TMEM117: variants seen among roughly 807,000 people sequenced by gnomAD.
The protein encoded by TMEM117 is transmembrane protein 117.
A neutral mutation model predicts 52.4 loss-of-function variants in TMEM117; 27 were observed. The observed-to-expected ratio is 0.51, with a 90% CI of 0.38 to 0.71. The LOEUF is 0.71. Among genes scored for constraint, TMEM117 ranks in the 30% least tolerant of loss-of-function variants. TMEM117 has a pLI of 0.00. For synonymous variants in TMEM117, 215 were observed against 206.3 expected, an observed-to-expected ratio of 1.04 and a Z score of -0.36; for missense variants, 556 against 630.5, an observed-to-expected ratio of 0.88 and a Z score of 1.26.
chr12:43,841,835 G>C (rs1850241362), intron 1 of TMEM117, among the ~76,000 whole-genome samples: 1 of 151,994 alleles, frequency 6.6e-6, no homozygotes, highest in South Asian at 2.1e-4. Flanking sequence ...TGAAGTGATA[G>C]GAATGATAAT....
intron 5 of TMEM117, among the ~76,000 whole-genome samples, chr12:44,244,620 T>C (rs1484451100): frequency 6.6e-6 from 1 of 152,034 alleles, no homozygotes; most frequent in Non-Finnish European, 1.5e-5. Flanking sequence ...AATATATTGA[T>C]TTCAAATATA....
intron 6 of TMEM117, among the ~76,000 whole-genome samples, chr12:44,349,044 C>T (rs9738577): frequency 0.67 from 101,874 of 151,710 alleles, 35,247 homozygotes; most frequent in East Asian, 0.9. Context: ...CAGTGAGTAC[C>T]GAAACTATAT....
intron 5 of TMEM117, chr12:44,248,980 G>T (rs533195182): frequency 6.6e-6 from 1 of 152,078 alleles, no homozygotes. Flanking sequence ...GTGTGTGTGG[G>T]TTTATTCATT....
At chr12:43,977,494 A>G (rs7303328) in intron 3 of TMEM117, among the ~76,000 whole-genome samples, 150,692 of 152,288 alleles carry the variant, frequency 0.99, 74,576 homozygotes, top group Middle Eastern at 1. Context: ...TACTGTTTAC[A>G]TCTTTCCATA....
At chr12:44,348,391 C>T (rs1692911397) in intron 6 of TMEM117, among the ~76,000 whole-genome samples, 3 of 151,786 alleles carry the variant, frequency 2.0e-5, no homozygotes, top group Admixed American at 2.0e-4. Flanking sequence ...TATTTTGACC[C>T]TTCCTGCCAT....
intron 3 of TMEM117, among the ~76,000 whole-genome samples, chr12:44,131,941 C>G (rs1948420392): frequency 6.6e-6 from 1 of 151,840 alleles, no homozygotes. Context: ...CTGTTTTGTT[C>G]CTTGTTTTTA....
At chr12:44,163,284 A>T (rs978483990) in intron 4 of TMEM117, among the ~76,000 whole-genome samples, 5 of 152,172 alleles carry the variant, frequency 3.3e-5, no homozygotes, top group African/African-American at 1.2e-4. Context: ...CCTTCTTAAT[A>T]CCTTTTGTCT....
At chr12:43,955,802 T>G (rs1945296545) in intron 3 of TMEM117, among the ~76,000 whole-genome samples, 1 of 152,156 alleles carries the variant, frequency 6.6e-6, no homozygotes, top group Non-Finnish European at 1.5e-5. Context: ...AAAATTCATA[T>G]GGAACCAAAA....
intron 5 of TMEM117, among the ~76,000 whole-genome samples, chr12:44,267,744 A>G (rs1175512506): frequency 6.6e-6 from 1 of 152,162 alleles, no homozygotes; most frequent in African/African-American, 2.4e-5. Flanking sequence ...TTCATCTTAT[A>G]ATTGGTATCA....
At chr12:43,849,134 C>CA (rs1943262265) in intron 2 of TMEM117, among the ~76,000 whole-genome samples, 1 of 152,158 alleles carries the variant, frequency 6.6e-6, no homozygotes, top group South Asian at 2.1e-4. Flanking sequence ...AAACATTAAA[C>CA]AAGCATCATG....
At chr12:43,824,717 T>C in the TMEM117 span, among the ~76,000 whole-genome samples, 1 of 152,060 alleles carries the variant, frequency 6.6e-6, no homozygotes, top group African/African-American at 2.4e-5. Flanking sequence ...AGGCGGATCA[T>C]GAGGTCAGGA....
At chr12:44,313,639 G>A (rs1267523448) in intron 6 of TMEM117, among the ~76,000 whole-genome samples, 2 of 152,076 alleles carry the variant, frequency 1.3e-5, no homozygotes, top group Non-Finnish European at 2.9e-5. Flanking sequence ...TTATAATTCT[G>A]TGAAAAAAGA....
At chr12:44,349,457 A>G (rs914876380) in intron 6 of TMEM117, among the ~76,000 whole-genome samples, 1 of 152,012 alleles carries the variant, frequency 6.6e-6, no homozygotes, top group Admixed American at 6.6e-5. Flanking sequence ...CTGAATTGAT[A>G]ATGGAGGAAA....
intron 3 of TMEM117, among the ~76,000 whole-genome samples, chr12:43,979,081 GT>G (rs1404016735): frequency 1.3e-5 from 2 of 151,768 alleles, no homozygotes; most frequent in African/African-American, 4.8e-5. Flanking sequence ...AACAGGTTTT[GT>G]AACTTATCAG....
intron 3 of TMEM117, among the ~76,000 whole-genome samples, chr12:43,951,093 C>T (rs964620714): frequency 2.6e-5 from 4 of 152,146 alleles, no homozygotes; most frequent in Admixed American, 6.5e-5. Flanking sequence ...AGGGAAGTGG[C>T]GGGGGACTGT....
chr12:44,028,916 AC>A (rs1417773416), intron 3 of TMEM117, among the ~76,000 whole-genome samples: 2 of 152,010 alleles, frequency 1.3e-5, no homozygotes, highest in African/African-American at 2.4e-5. Context: ...TAATGCGGAA[AC>A]CCCTGACCCA....
At chr12:44,093,896 G>C (rs976001081) in intron 3 of TMEM117, among the ~76,000 whole-genome samples, 1 of 151,952 alleles carries the variant, frequency 6.6e-6, no homozygotes, top group Non-Finnish European at 1.5e-5. Context: ...GCATATCATT[G>C]TGCATGATTT....
chr12:44,180,222 C>CCATCATCAT (rs571227123), intron 4 of TMEM117, among the ~76,000 whole-genome samples: 1 of 151,758 alleles, frequency 6.6e-6, no homozygotes, highest in African/African-American at 2.4e-5. Context: ...ATCACCATCA[C>CCATCATCAT]CATCATCATC....
rs527655636 is a variant in TMEM117 at position 44,260,752 on chromosome 12, C to T, written c.609-38828C>T. Among the ~76,000 whole-genome samples, 14 of 152,234 alleles carry T rather than the reference C, an allele frequency of 9.2e-5. 1 individual carries two copies. The highest frequency in any genetic ancestry group is 8.5e-4 in the Admixed American group (13 of 15,272). On this transcript the variant is annotated intron_variant, in intron 5 of 7. Transcript: ENST00000266534. Reference sequence around the variant, plus strand: ...GTTTTGTCTTGTTTAAAACCATCCTCCACCCCTTCCCACCCCAGCTAGTTT... The same window carrying T: ...GTTTTGTCTTGTTTAAAACCATCCTTCACCCCTTCCCACCCCAGCTAGTTT...
Sources: gnomAD v4.1 joint callset for allele counts (sites outside exome capture counted in the v4.1 genomes callset) on GRCh38, gnomAD v4.1.1 for gene constraint, MANE v1.5 for transcripts, NCBI Gene and HGNC (gene_info 2026-07-23, HGNC 2026-07-21) for gene names.